Variants in NKAIN2 observed in about 807,000 individuals in gnomAD.
The protein encoded by NKAIN2 is sodium/potassium transporting ATPase interacting 2.
In NKAIN2, 14 loss-of-function variants were observed where a neutral mutation model predicts 32.6. That is an observed-to-expected ratio of 0.43 (90% CI 0.28 to 0.67). The LOEUF is 0.67. Ranked by LOEUF, NKAIN2 falls within the 30% of genes least tolerant of loss-of-function variation. The pLI is 0.17. For missense variants in NKAIN2, 198 were observed against 258.3 expected (o/e 0.77, Z 1.60); for synonymous variants, 80 against 87.2 (o/e 0.92, Z 0.46).
At chr6:124,414,021 G>GTTTT (rs35007875) in intron 3 of NKAIN2, among the ~76,000 whole-genome samples, 1 of 146,678 alleles carries the variant, frequency 6.8e-6, no homozygotes. Flanking sequence ...TTGTTCGTTT[G>GTTTT]TTTTTTTTTT....
rs557443889 is a variant in NKAIN2 at position 124,438,446 on chromosome 6, T to G, written c.273+83099T>G. Among the ~76,000 whole-genome samples, 48 of 152,306 alleles carry G rather than the reference T, an allele frequency of 3.2e-4. No homozygotes were observed. The South Asian group carries it at 9.5e-3, about 30-fold the overall frequency. ...CCTTTTGTGTTTTGTTTATTCAACC[T>G]CTAACTTAAACTCAGTTTTTTCTGT... On this transcript the variant is annotated intron_variant, in intron 3 of 6. Transcript: ENST00000368417.
intron 1 of NKAIN2, among the ~76,000 whole-genome samples, chr6:123,958,460 T>C (rs1380685845): frequency 6.6e-6 from 1 of 152,140 alleles, no homozygotes; most frequent in African/African-American, 2.4e-5. Flanking sequence ...AATGTTTGAG[T>C]CTCCCTGAAT....
chr6:124,232,036 G>A (rs571744673), intron 1 of NKAIN2, among the ~76,000 whole-genome samples: 3 of 152,186 alleles, frequency 2.0e-5, no homozygotes, highest in East Asian at 1.9e-4. Context: ...CTCCGTTCTT[G>A]TAGGCACATC....
chr6:124,714,196 C>T (rs1775639181), intron 4 of NKAIN2, among the ~76,000 whole-genome samples: 1 of 152,144 alleles, frequency 6.6e-6, no homozygotes, highest in Admixed American at 6.5e-5. Context: ...AATATTGGAG[C>T]TGAGGGCTCT....
chr6:124,004,088 T>G (rs375040951), intron 1 of NKAIN2, among the ~76,000 whole-genome samples: 112 of 152,374 alleles, frequency 7.4e-4, no homozygotes, highest in African/African-American at 2.6e-3. Flanking sequence ...GCTAATTATT[T>G]TCTTAGTCAC....
chr6:124,134,501 T>C (rs1233309525), intron 1 of NKAIN2, among the ~76,000 whole-genome samples: 1 of 152,094 alleles, frequency 6.6e-6, no homozygotes, highest in East Asian at 1.9e-4. Flanking sequence ...ATGGCAAATA[T>C]GGTGAAACCC....
At chr6:124,428,027 A>G (rs2114554740) in intron 3 of NKAIN2, among the ~76,000 whole-genome samples, 1 of 152,216 alleles carries the variant, frequency 6.6e-6, no homozygotes, top group Admixed American at 6.5e-5. Context: ...ATATTTGCTC[A>G]TTTCCTTTTG....
At chr6:123,848,431 G>T (rs1775182220) in intron 1 of NKAIN2, among the ~76,000 whole-genome samples, 1 of 152,156 alleles carries the variant, frequency 6.6e-6, no homozygotes, top group Admixed American at 6.5e-5. Context: ...AATGGAGATG[G>T]TTGTCCTCAT....
At chr6:124,019,835 C>A (rs539399508) in intron 1 of NKAIN2, among the ~76,000 whole-genome samples, 1 of 152,068 alleles carries the variant, frequency 6.6e-6, no homozygotes, top group Admixed American at 6.6e-5. Context: ...CTGGGGATAA[C>A]CACTATTCTC....
At chr6:123,818,159 G>A (rs922972238) in intron 1 of NKAIN2, among the ~76,000 whole-genome samples, 4 of 152,114 alleles carry the variant, frequency 2.6e-5, no homozygotes, top group Admixed American at 2.6e-4. Context: ...ATTTAAGATA[G>A]GAATGCATAT....
intron 3 of NKAIN2, among the ~76,000 whole-genome samples, chr6:124,364,743 T>C (rs1327734983): frequency 6.6e-6 from 1 of 151,866 alleles, no homozygotes; most frequent in Non-Finnish European, 1.5e-5. Flanking sequence ...GGTAGTTCTT[T>C]AGGCAGAGTG....
intron 4 of NKAIN2, among the ~76,000 whole-genome samples, chr6:124,790,300 T>A (rs1277814457): frequency 1.3e-5 from 2 of 152,140 alleles, no homozygotes; most frequent in African/African-American, 4.8e-5. Context: ...CTATCTGTCA[T>A]CTAATGAAAA....
chr6:124,151,695 T>C (rs148585640), intron 1 of NKAIN2, among the ~76,000 whole-genome samples: 1 of 152,164 alleles, frequency 6.6e-6, no homozygotes, highest in East Asian at 1.9e-4. Flanking sequence ...GCAATCTAAC[T>C]AGTATATCAC....
chr6:124,302,965 T>C (rs1385973708), intron 2 of NKAIN2, among the ~76,000 whole-genome samples: 1 of 152,180 alleles, frequency 6.6e-6, no homozygotes, highest in Non-Finnish European at 1.5e-5. Context: ...ACAGAGTTTA[T>C]GAATGAGAGC....
Position 124,320,146 on chromosome 6 carries a change from T to A in NKAIN2, c.193-35121T>A, listed in dbSNP as rs139068221. Reference sequence around the variant, plus strand: ...GCTACTGCTCTTTTAATTGAGAAAATCATCAATACTGTCTTGACATTTGGA... The same window carrying A: ...GCTACTGCTCTTTTAATTGAGAAAAACATCAATACTGTCTTGACATTTGGA... On this transcript the variant is annotated intron_variant, in intron 2 of 6. Transcript: ENST00000368417. 1.1e-3 allele frequency among the ~76,000 whole-genome samples: 168 copies of A among 152,234 alleles called. 4 individuals carry two copies. In the East Asian group the frequency reaches 0.028, roughly 26 times the overall value.
At chr6:124,688,687 A>T (rs1214191785) in intron 4 of NKAIN2, among the ~76,000 whole-genome samples, 1 of 152,010 alleles carries the variant, frequency 6.6e-6, no homozygotes, top group African/African-American at 2.4e-5. Flanking sequence ...TACTGTCTCT[A>T]TACTTCTGTC....
intron 1 of NKAIN2, among the ~76,000 whole-genome samples, chr6:124,149,964 G>A (rs541568172): frequency 1.3e-5 from 2 of 152,110 alleles, no homozygotes; most frequent in East Asian, 1.9e-4. Flanking sequence ...TTCCCCTTTC[G>A]GTGAAGGTCA....
chr6:124,610,379 C>CTAT (rs1412906693), intron 3 of NKAIN2, among the ~76,000 whole-genome samples: 1 of 152,112 alleles, frequency 6.6e-6, no homozygotes, highest in African/African-American at 2.4e-5. Flanking sequence ...TATCCTAGTA[C>CTAT]TATTTCATGA....
chr6:124,136,916 G>A (rs895458307), intron 1 of NKAIN2, among the ~76,000 whole-genome samples: 5 of 152,042 alleles, frequency 3.3e-5, no homozygotes, highest in Admixed American at 3.3e-4. Context: ...TACTGAATGG[G>A]AAAATTGAAA....
Sources: allele counts gnomAD v4.1 joint callset (sites outside exome capture counted in the v4.1 genomes callset), GRCh38; gene constraint gnomAD v4.1.1; transcripts MANE v1.5; gene names NCBI Gene and HGNC (gene_info 2026-07-23, HGNC 2026-07-21).